Variants in EBF3 observed in about 807,000 individuals in gnomAD.
EBF3 encodes the protein transcription factor COE3.
Under a neutral mutation model 77.1 loss-of-function variants are expected in EBF3, and 18 were observed. That is an observed-to-expected ratio of 0.23 (90% CI 0.16 to 0.35). The LOEUF (loss-of-function observed/expected upper bound fraction) is 0.35, where lower values mean the gene tolerates loss of function less well. EBF3 is among the 10% of genes least tolerant of loss of function. The pLI, the probability that EBF3 is intolerant of heterozygous loss-of-function variation, is 1.00. For missense variants in EBF3, 558 were observed against 860.0 expected (o/e 0.65, Z 4.39); for synonymous variants, 350 against 343.5 (o/e 1.02, Z -0.21).
intron 6 of EBF3, among the ~76,000 whole-genome samples, chr10:129,923,348 A>G (rs989911874): frequency 2.0e-5 from 3 of 152,246 alleles, no homozygotes; most frequent in Non-Finnish European, 2.9e-5. Flanking sequence ...AATCTTAAAA[A>G]GAAGAACAAA....
chr10:129,910,599 G>A lies in EBF3; in HGVS notation c.555-32750C>T, dbSNP rs565139495. 4.6e-5 allele frequency among the ~76,000 whole-genome samples: 7 copies of A among 152,038 alleles called. No homozygotes were observed. In the South Asian group the frequency reaches 8.3e-4, roughly 18 times the overall value. ...ATTCAAGTCCCTATTTTTCTTATCC[G>A]AGATGCCAGGTGTACGGATTGTCCA... is the stretch of plus-strand genomic sequence containing the variant. On this transcript the variant is annotated intron_variant, in intron 6 of 16. Coordinates refer to ENST00000440978, the MANE Select transcript of EBF3 (RefSeq NM_001375380.1).
Position 129,944,849 on chromosome 10 carries a change from C to T in EBF3, c.554+12409G>A, listed in dbSNP as rs546457735. 1.3e-5 allele frequency among the ~76,000 whole-genome samples: 2 copies of T among 151,398 alleles called. No individual in the cohort carries two copies. Among genetic ancestry groups the T allele is most frequent in the Admixed American group, 6.6e-5 (1 of 15,208 alleles). ...ATCAAGCAAAGGTTATTATCCTCTT[C>T]GAAAACACTATAGAATATGTACGAA... is the stretch of plus-strand genomic sequence containing the variant. On this transcript the variant is annotated intron_variant, in intron 6 of 16. Transcript: ENST00000440978. The surrounding 1 kb of genome is among the most constrained non-coding windows in gnomAD (Gnocchi z 5.1).
chr10:129,848,917 A>G lies in EBF3; in HGVS notation c.1040-437T>C, dbSNP rs1336878851. Among the ~76,000 whole-genome samples, 2 of 152,174 alleles carry G rather than the reference A, an allele frequency of 1.3e-5. No individual in the cohort carries two copies. The highest frequency in any genetic ancestry group is 4.8e-5 in the African/African-American group (2 of 41,440). On this transcript the variant is annotated intron_variant, in intron 10 of 16. Transcript: ENST00000440978. This position sits in a 1 kb window ranked among gnomAD's most constrained non-coding sequence, Gnocchi z 4.4. Reference sequence around the variant, plus strand: ...TCCCTGTGGTCCTTTTTTGTCTAGCATATTGCCTGAGCACAAACCAGGCAG... The same window carrying G: ...TCCCTGTGGTCCTTTTTTGTCTAGCGTATTGCCTGAGCACAAACCAGGCAG...
At position 129,847,260 on chromosome 10, in the gene EBF3, G is replaced by A. The variant is rs139053223; in HGVS notation, c.1128+1132C>T. Among the ~76,000 whole-genome samples, 102 of 152,190 alleles carry A rather than the reference G, an allele frequency of 6.7e-4. 4 individuals carry two copies. The East Asian group carries it at 0.015, about 22-fold the overall frequency. Reference sequence around the variant, plus strand: ...GCATGTGGTCTGTCTATGGGATGGCGGGACCCAGTCACTAATCCTGCACAC... The same window carrying A: ...GCATGTGGTCTGTCTATGGGATGGCAGGACCCAGTCACTAATCCTGCACAC... On this transcript the variant is annotated intron_variant, in intron 11 of 16. Transcript: ENST00000440978.
intron 10 of EBF3, among the ~76,000 whole-genome samples, chr10:129,860,971 C>T (rs1851590651): frequency 6.6e-6 from 1 of 152,256 alleles, no homozygotes; most frequent in Non-Finnish European, 1.5e-5. Flanking sequence ...GACAAATAGT[C>T]TACTTGTGCA....
At chr10:129,872,799 C>T (rs898933936) in intron 8 of EBF3, among the ~76,000 whole-genome samples, 5 of 152,238 alleles carry the variant, frequency 3.3e-5, no homozygotes, top group African/African-American at 1.2e-4. Flanking sequence ...GGGCTCGGCG[C>T]AAGGCCCACT....
chr10:129,899,172 A>G (rs1208826215), intron 6 of EBF3, among the ~76,000 whole-genome samples: 1 of 152,232 alleles, frequency 6.6e-6, no homozygotes, highest in Non-Finnish European at 1.5e-5. Context: ...TAAGAGCTAC[A>G]TTGTGAGCTT....
chr10:129,856,058 AC>A (rs1366084269), intron 10 of EBF3, among the ~76,000 whole-genome samples: 2 of 152,112 alleles, frequency 1.3e-5, no homozygotes, highest in African/African-American at 2.4e-5. Flanking sequence ...GTTCCCAGCC[AC>A]CCCATGCACT....
chr10:129,962,238 CAG>C lies in EBF3; in HGVS notation c.356-14_356-13del, dbSNP rs763449467. The stretch of plus-strand genomic sequence containing the variant: ...CTCTGTTCTGACTCCTGCAAAAAAA[CAG>C]AGACAAATTCTCATCAGGATTTGAG... On this transcript the variant is annotated splice_polypyrimidine_tract_variant and intron_variant, in intron 3 of 16. Coordinates refer to ENST00000440978, the MANE Select transcript of EBF3 (RefSeq NM_001375380.1). 6.8e-6 allele frequency: 11 copies of C among 1,613,974 alleles called. No individual in the cohort carries two copies. Among genetic ancestry groups the C allele is most frequent in the South Asian group, 1.1e-5 (1 of 91,052 alleles).
intron 6 of EBF3, among the ~76,000 whole-genome samples, chr10:129,939,562 A>T (rs1445761150): frequency 1.3e-5 from 2 of 152,116 alleles, no homozygotes; most frequent in Non-Finnish European, 2.9e-5. Flanking sequence ...AAGCGTGGTG[A>T]GGAAACAGTT....
intron 6 of EBF3, among the ~76,000 whole-genome samples, chr10:129,912,251 C>T (rs1392375556): frequency 6.6e-6 from 1 of 152,160 alleles, no homozygotes. Flanking sequence ...AGGAAGGGCC[C>T]TGCGGCTCCT....
Position 129,963,761 on chromosome 10 carries a change from C to T in EBF3, c.8G>A (p.Gly3Glu), listed in dbSNP as rs1859726213. Residue 3 changes from glycine (G) to glutamate (E), a missense_variant, in exon 1 of 17, where the codon GGG becomes GAG. By Grantham distance (98) the Gly-to-Glu change is moderately conservative (BLOSUM62 -2). Around this residue, in one of 5 missense-constraint regions of EBF3, gnomAD observed 64 missense variants for 54.5 expected, o/e 1.18. Transcript: ENST00000440978. The surrounding 1 kb of genome is among the most constrained non-coding windows in gnomAD (Gnocchi z 7.1). MF[G>E]IQENIPRGGT... ...CCCGCGCGGAATATTCTCCTGAATCCCAAACATGAAAACTGCTGGCGGCGG... is the reference window on the plus strand; with the variant it reads ...CCCGCGCGGAATATTCTCCTGAATCTCAAACATGAAAACTGCTGGCGGCGG... The T allele has an allele frequency of 2.0e-6, 3 of 1,522,796 alleles. No homozygotes were observed. Among genetic ancestry groups the T allele is most frequent in the East Asian group, 2.7e-5 (1 of 36,570 alleles). The allele number at this position is 1,522,796 out of a possible 1,614,324, so 94.3% of individuals were successfully genotyped here.
rs1564887155 is a variant in EBF3, at chr10:129,917,679, A to AAAAAAAAAAAAAAAAAAAAAAAAAAAC, written c.554+39578_554+39579insGTTTTTTTTTTTTTTTTTTTTTTTTTT. On this transcript the variant is annotated intron_variant, in intron 6 of 16. Coordinates refer to ENST00000440978, the MANE Select transcript of EBF3 (RefSeq NM_001375380.1). Reference sequence around the variant, plus strand: ...AAAAAAAAAAAAAAAAAAAAAAAAAACTAAAACCAAGCTGAGATTATTTGA... The same window carrying AAAAAAAAAAAAAAAAAAAAAAAAAAAC: ...AAAAAAAAAAAAAAAAAAAAAAAAAAAAAAAAAAAAAAAAAAAAAAAAAAAACCTAAAACCAAGCTGAGATTATTTGA... 2.0e-4 allele frequency among the ~76,000 whole-genome samples: 28 copies of AAAAAAAAAAAAAAAAAAAAAAAAAAAC among 142,078 alleles called. 1 individual carries two copies. The highest frequency in any genetic ancestry group is 2.6e-4 in the Non-Finnish European group (17 of 64,838). The allele number at this position is 142,078 out of a possible 152,430, so 93.2% of individuals were successfully genotyped here. A position where few individuals can be genotyped will look rare whatever the true frequency, so the allele number is the denominator to read the frequency against.
chr10:129,934,273 C>G (rs1226743737), intron 6 of EBF3, among the ~76,000 whole-genome samples: 1 of 151,992 alleles, frequency 6.6e-6, no homozygotes, highest in South Asian at 2.1e-4. Flanking sequence ...CAGGCAGCGA[C>G]ATCACGCTCC....
intron 10 of EBF3, among the ~76,000 whole-genome samples, chr10:129,856,786 C>T (rs375853720): frequency 8.5e-5 from 13 of 152,288 alleles, no homozygotes; most frequent in African/African-American, 2.4e-4. Context: ...TGTGAATATA[C>T]GAAAAGCCAC....
chr10:129,933,865 G>A (rs553476725), intron 6 of EBF3, among the ~76,000 whole-genome samples: 12 of 152,042 alleles, frequency 7.9e-5, no homozygotes, highest in African/African-American at 1.9e-4. Context: ...CACGCTGGGC[G>A]CCAGCACCTG....
chr10:129,952,172 G>A lies in EBF3; in HGVS notation c.554+5086C>T, dbSNP rs376870526. On this transcript the variant is annotated intron_variant, in intron 6 of 16. Transcript: ENST00000440978. This position sits in a 1 kb window ranked among gnomAD's most constrained non-coding sequence, Gnocchi z 4.7. ...AGAGCATCTCCAATGCACAGCCTCCGCCAAGAGAGGATCTCCAGGACCCCA... is the reference window on the plus strand; with the variant it reads ...AGAGCATCTCCAATGCACAGCCTCCACCAAGAGAGGATCTCCAGGACCCCA... Among the ~76,000 whole-genome samples, 4 of 152,138 alleles carry A rather than the reference G, an allele frequency of 2.6e-5. No individual in the cohort carries two copies. The highest frequency in any genetic ancestry group is 3.8e-4 in the East Asian group (2 of 5,196).
At position 129,873,032 on chromosome 10, in the gene EBF3, C is replaced by T. The variant is rs185349571; in HGVS notation, c.781+420G>A. ...TACACGTGGATCACATGCACACGCA[C>T]TCCAGCCAGGGACAGGAAATGGTCC... On this transcript the variant is annotated intron_variant, in intron 8 of 16. Transcript: ENST00000440978. Among the ~76,000 whole-genome samples the T allele has an allele frequency of 1.4e-3, 209 of 152,306 alleles. 2 individuals are homozygous for T. The highest frequency in any genetic ancestry group is 4.7e-3 in the African/African-American group (194 of 41,564).
chr10:129,867,715 T>C, intron 9 of EBF3, 67 bp downstream of exon 9: 6 of 1,598,086 alleles, frequency 3.8e-6, no homozygotes, highest in Non-Finnish European at 5.1e-6. Context: ...AATACACTAT[T>C]GACAGCTTGT....
Sources: allele counts gnomAD v4.1 joint callset (sites outside exome capture counted in the v4.1 genomes callset), GRCh38; gene constraint gnomAD v4.1.1; regional missense constraint gnomAD v4.1.1; non-coding constraint Gnocchi (gnomAD v3.1); transcripts MANE v1.5; gene names NCBI Gene and HGNC (gene_info 2026-07-23, HGNC 2026-07-21).